Variants in DPP10 observed in about 807,000 individuals in gnomAD.
The protein encoded by DPP10 is inactive dipeptidyl peptidase 10.
A neutral mutation model predicts 120.9 loss-of-function variants in DPP10; 33 were observed. The observed-to-expected ratio is 0.27, with a 90% confidence interval of 0.21 to 0.37. The LOEUF (loss-of-function observed/expected upper bound fraction) is 0.37. Ranked by LOEUF, DPP10 falls within the 10% of genes least tolerant of loss-of-function variation. The pLI, the probability that DPP10 is intolerant of heterozygous loss-of-function variation, is 1.00. For missense variants in DPP10, 816 were observed against 942.8 expected (o/e 0.87, Z 1.76); for synonymous variants, 337 against 326.1 (o/e 1.03, Z -0.36).
chr2:115,049,259 GT>G lies in DPP10; in HGVS notation c.61-259978del, dbSNP rs1363969215. Among the ~76,000 whole-genome samples the G allele has an allele frequency of 7.2e-5, 11 of 151,938 alleles. No individual in the cohort carries two copies. In the South Asian group the frequency reaches 1.7e-3, roughly 23 times the overall value. Reference sequence around the variant, plus strand: ...AGTTGGGCAGCAAAGGTAATAAGGAGTTACATTATTGAGCACTTAATGTATG... The same window carrying G: ...AGTTGGGCAGCAAAGGTAATAAGGAGTACATTATTGAGCACTTAATGTATG... On this transcript the variant is annotated intron_variant, in intron 1 of 25. Transcript: ENST00000410059.
At chr2:115,009,306 A>G (rs1229855333) in intron 1 of DPP10, among the ~76,000 whole-genome samples, 1 of 151,758 alleles carries the variant, frequency 6.6e-6, no homozygotes, top group Non-Finnish European at 1.5e-5. Flanking sequence ...GGAAACCATC[A>G]TTCTCAGTAA....
chr2:114,941,611 A>G lies in DPP10; in HGVS notation c.61-367628A>G, dbSNP rs575826827. On this transcript the variant is annotated intron_variant, in intron 1 of 25. Coordinates refer to ENST00000410059, the MANE Select transcript of DPP10 (RefSeq NM_020868.6). ...TTAAATTTTTATATGCAGGAATAAT[A>G]TAGTTCAGTGATCCTGAAAGTTGCC... is the stretch of plus-strand genomic sequence containing the variant. 2.6e-5 allele frequency among the ~76,000 whole-genome samples: 4 copies of G among 152,360 alleles called. No homozygotes were observed. In the South Asian group the frequency reaches 8.3e-4, roughly 32 times the overall value.
intron 9 of DPP10, among the ~76,000 whole-genome samples, chr2:115,744,989 A>T (rs942697835): frequency 4.0e-5 from 6 of 149,454 alleles, no homozygotes; most frequent in African/African-American, 1.5e-4. Context: ...ATGGCATATT[A>T]AGTCTAAACT....
chr2:115,434,709 C>G (rs2071323871), intron 3 of DPP10, among the ~76,000 whole-genome samples: 1 of 151,644 alleles, frequency 6.6e-6, no homozygotes, highest in South Asian at 2.1e-4. Context: ...TCTCTTCTTG[C>G]TTCTTTGAAA....
At chr2:115,806,838 T>G (rs1482803209) in intron 19 of DPP10, among the ~76,000 whole-genome samples, 1 of 152,040 alleles carries the variant, frequency 6.6e-6, no homozygotes, top group Non-Finnish European at 1.5e-5. Flanking sequence ...TTATCTAAAT[T>G]GCCCCCCCAC....
intron 1 of DPP10, among the ~76,000 whole-genome samples, chr2:115,015,765 T>C (rs544706566): frequency 3.6e-4 from 55 of 151,976 alleles, no homozygotes; most frequent in Non-Finnish European, 7.1e-4. Flanking sequence ...ACAAAGAGAA[T>C]AAAATACCTA....
intron 3 of DPP10, among the ~76,000 whole-genome samples, chr2:115,422,704 A>G (rs1343371331): frequency 6.6e-6 from 1 of 152,226 alleles, no homozygotes; most frequent in Admixed American, 6.5e-5. Context: ...AGAGAAAAAA[A>G]TAATATCCAA....
chr2:115,708,991 T>A (rs1024876107), intron 7 of DPP10, among the ~76,000 whole-genome samples: 4 of 152,092 alleles, frequency 2.6e-5, no homozygotes, highest in Non-Finnish European at 5.9e-5. Flanking sequence ...CACACATCAA[T>A]CTTCACGCAA....
rs7564754 is a variant in DPP10, at chr2:115,842,352, G to A, written c.*7G>A. 3,992 of 1,611,746 alleles carry A rather than the reference G, an allele frequency of 2.5e-3. 78 individuals carry two copies. In the African/African-American group the frequency reaches 0.041, roughly 17 times the overall value. On this transcript the variant is annotated 3_prime_UTR_variant, in exon 26 of 26. Transcript: ENST00000410059. ...ACCAGAAGAAGATGAATAATGGACT[G>A]TATTTATACAGAACTGAAGGGAATA...
intron 3 of DPP10, among the ~76,000 whole-genome samples, chr2:115,419,521 A>G (rs1437068613): frequency 1.3e-5 from 2 of 152,136 alleles, no homozygotes; most frequent in African/African-American, 4.8e-5. Flanking sequence ...ACTGCAGGGA[A>G]GGCACCAAGC....
chr2:115,769,246 G>T (rs886807913), intron 13 of DPP10, among the ~76,000 whole-genome samples: 1 of 151,988 alleles, frequency 6.6e-6, no homozygotes, highest in South Asian at 2.1e-4. Flanking sequence ...TTACAAACTA[G>T]CTAAGAGTAA....
intron 1 of DPP10, among the ~76,000 whole-genome samples, chr2:114,760,203 G>C (rs771924665): frequency 7.2e-5 from 11 of 152,080 alleles, no homozygotes; most frequent in Non-Finnish European, 1.5e-4. Flanking sequence ...GCTGCTAATA[G>C]TCCCCAGCAG....
At chr2:115,057,029 T>A (rs1705976548) in intron 1 of DPP10, among the ~76,000 whole-genome samples, 1 of 152,200 alleles carries the variant, frequency 6.6e-6, no homozygotes, top group Admixed American at 6.5e-5. Context: ...AGGAGAACTA[T>A]TTCCCCACTC....
At chr2:115,680,812 G>T (rs1317155385) in intron 5 of DPP10, among the ~76,000 whole-genome samples, 2 of 151,762 alleles carry the variant, frequency 1.3e-5, no homozygotes, top group African/African-American at 4.8e-5. Context: ...TAAAAACAAA[G>T]TTATAATCTG....
chr2:115,578,807 A>G (rs750420148), intron 5 of DPP10, among the ~76,000 whole-genome samples: 5 of 152,162 alleles, frequency 3.3e-5, no homozygotes, highest in Admixed American at 6.5e-5. Context: ...ACTTGTCCCT[A>G]TGGAATCAGT....
intron 1 of DPP10, among the ~76,000 whole-genome samples, chr2:114,716,289 T>A (rs541421155): frequency 1.3e-5 from 2 of 152,224 alleles, no homozygotes; most frequent in Non-Finnish European, 2.9e-5. Context: ...TTTTTGGTCA[T>A]GTATGACTTG....
At chr2:114,584,497 A>G (rs1021193963) in intron 1 of DPP10, among the ~76,000 whole-genome samples, 10 of 150,048 alleles carry the variant, frequency 6.7e-5, no homozygotes, top group Admixed American at 2.7e-4. Flanking sequence ...TGCACCCATT[A>G]ACTCGTCATT....
chr2:115,641,841 G>A (rs1204157000), intron 5 of DPP10, among the ~76,000 whole-genome samples: 1 of 152,130 alleles, frequency 6.6e-6, no homozygotes, highest in Admixed American at 6.6e-5. Context: ...CTTTTCTTAT[G>A]TCATTTCATA....
intron 5 of DPP10, among the ~76,000 whole-genome samples, chr2:115,537,783 C>T (rs1006768535): frequency 2.0e-5 from 3 of 151,930 alleles, no homozygotes; most frequent in African/African-American, 7.2e-5. Flanking sequence ...CTTGGCTGTA[C>T]ATTTCCCACT....
Sources: allele counts gnomAD v4.1 joint callset (sites outside exome capture counted in the v4.1 genomes callset), GRCh38; gene constraint gnomAD v4.1.1; transcripts MANE v1.5; gene names NCBI Gene and HGNC (gene_info 2026-07-23, HGNC 2026-07-21).